The following CATSPERE variants were observed in gnomAD, a reference collection of about 807,000 sequenced individuals.
CATSPERE encodes cation channel sperm-associated auxiliary subunit epsilon.
Under a neutral mutation model 114.1 loss-of-function variants are expected in CATSPERE, and 93 were observed. The observed-to-expected ratio is 0.81, with a 90% CI of 0.69 to 0.97. The LOEUF is 0.97. Ranked by LOEUF, CATSPERE falls within the 50% of genes least tolerant of loss-of-function variation. The probability of loss-of-function intolerance (pLI) is 0.00; values close to 1 mark genes in which losing one functional copy is unlikely to be tolerated. For missense variants in CATSPERE, 1,058 were observed against 1,131.6 expected (o/e 0.93, Z 0.93); for synonymous variants, 341 against 384.1 (o/e 0.89, Z 1.31).
intron 20 of CATSPERE, among the ~76,000 whole-genome samples, chr1:244,620,345 C>T (rs903803155): frequency 1.3e-5 from 2 of 152,186 alleles, no homozygotes; most frequent in African/African-American, 4.8e-5. Context: ...AAGATGTTCA[C>T]ATGTGAAAGG....
chr1:244,582,718 T>C (rs1666370849), intron 12 of CATSPERE, among the ~76,000 whole-genome samples: 1 of 152,146 alleles, frequency 6.6e-6, no homozygotes, highest in Admixed American at 6.5e-5. Context: ...TCCATTTTTC[T>C]TTAGTCTGGT....
At chr1:244,505,077 T>G (rs1674613451) in intron 7 of CATSPERE, among the ~76,000 whole-genome samples, 1 of 152,252 alleles carries the variant, frequency 6.6e-6, no homozygotes, top group Non-Finnish European at 1.5e-5. Flanking sequence ...ACTACTTTAT[T>G]TATTGGGAGC....
chr1:244,535,371 G>A (rs76032024), intron 8 of CATSPERE, among the ~76,000 whole-genome samples: 72 of 152,302 alleles, frequency 4.7e-4, no homozygotes, highest in African/African-American at 1.7e-3. Flanking sequence ...GCCCCATGTG[G>A]GTCCAGAGGT....
At chr1:244,608,520 G>A (rs903882914) in intron 18 of CATSPERE, among the ~76,000 whole-genome samples, 3 of 150,958 alleles carry the variant, frequency 2.0e-5, no homozygotes, top group African/African-American at 7.3e-5. Flanking sequence ...TGGTTGACAG[G>A]GCAAGATCCT....
At position 244,573,081 on chromosome 1, in the gene CATSPERE, T is replaced by C. The variant is rs1293257053; in HGVS notation, c.1950+309T>C. Among the ~76,000 whole-genome samples, 1 of 151,958 alleles carries C rather than the reference T, an allele frequency of 6.6e-6. No individual in the cohort carries two copies. The highest frequency in any genetic ancestry group is 1.5e-5 in the Non-Finnish European group (1 of 67,976). ...TGTAGACTCCTGTTGTCTATTGTAG[T>C]ATAACAAACCACTCAAAACCTAATT... On this transcript the variant is annotated intron_variant, in intron 11 of 21. Transcript: ENST00000366534. This position sits in a 1 kb window ranked among gnomAD's most constrained non-coding sequence, Gnocchi z 4.0.
chr1:244,501,230 C>T (rs1673990161), intron 7 of CATSPERE, among the ~76,000 whole-genome samples: 1 of 152,154 alleles, frequency 6.6e-6, no homozygotes, highest in Non-Finnish European at 1.5e-5. Flanking sequence ...AGAGATGTTC[C>T]TTGAGCATCC....
intron 6 of CATSPERE, among the ~76,000 whole-genome samples, chr1:244,494,484 G>A (rs1672771951): frequency 6.7e-6 from 1 of 148,676 alleles, no homozygotes; most frequent in South Asian, 2.2e-4. Flanking sequence ...GATAGCATTA[G>A]GAGATATACC....
chr1:244,466,765 A>G (rs1218157757), intron 2 of CATSPERE, among the ~76,000 whole-genome samples: 1 of 152,178 alleles, frequency 6.6e-6, no homozygotes, highest in Non-Finnish European at 1.5e-5. Context: ...TTGCCACCAG[A>G]GATCAGGACC....
intron 17 of CATSPERE, among the ~76,000 whole-genome samples, chr1:244,603,662 A>AT (rs5782299): frequency 0.61 from 89,532 of 147,270 alleles, 28,244 homozygotes; most frequent in Middle Eastern, 0.78. Flanking sequence ...TTCAATTAAG[A>AT]TTTTTTTTTT....
chr1:244,614,741 A>T (rs1411887674), intron 19 of CATSPERE, among the ~76,000 whole-genome samples: 1 of 152,094 alleles, frequency 6.6e-6, no homozygotes, highest in East Asian at 1.9e-4. Flanking sequence ...GGCTCCAATC[A>T]CACTTGTGGT....
At chr1:244,596,369 C>T (rs1258758043) in intron 17 of CATSPERE, among the ~76,000 whole-genome samples, 1 of 152,184 alleles carries the variant, frequency 6.6e-6, no homozygotes. Flanking sequence ...AGCCCTGCTC[C>T]GTCTACAGAG....
At chr1:244,621,269 A>AAATATATTTT (rs1672301573) in intron 20 of CATSPERE, among the ~76,000 whole-genome samples, 1 of 117,460 alleles carries the variant, frequency 8.5e-6, no homozygotes, top group Admixed American at 9.9e-5. Context: ...ATATTTATAT[A>AAATATATTTT]GATATATCTA....
At chr1:244,606,020 G>A (rs143330627) in intron 18 of CATSPERE, among the ~76,000 whole-genome samples, 23 of 152,302 alleles carry the variant, frequency 1.5e-4, no homozygotes, top group Non-Finnish European at 3.1e-4. Context: ...AACATTTATA[G>A]TAGGATGATG....
At position 244,633,555 on chromosome 1, in the gene CATSPERE, G is replaced by A. The variant is rs1277042676; in HGVS notation, c.2649-1934G>A. On this transcript the variant is annotated intron_variant, in intron 20 of 21. Coordinates refer to ENST00000366534, the MANE Select transcript of CATSPERE (RefSeq NM_001130957.2). The surrounding 1 kb of genome is among the most constrained non-coding windows in gnomAD (Gnocchi z 4.1). ...AGTCATGACTCCTTTATACAAAAAG[G>A]GTAAAGTCAAAATTCCTAAGCCTTT... is the stretch of plus-strand genomic sequence containing the variant. Among the ~76,000 whole-genome samples the A allele has an allele frequency of 3.9e-5, 6 of 151,960 alleles. No homozygotes were observed. Among genetic ancestry groups the A allele is most frequent in the Admixed American group, 3.9e-4 (6 of 15,240 alleles).
chr1:244,556,874 A>C (rs968720173), intron 9 of CATSPERE, among the ~76,000 whole-genome samples: 38 of 152,302 alleles, frequency 2.5e-4, no homozygotes, highest in Admixed American at 2.0e-4. Context: ...ACAACAAGCT[A>C]TACAAAAGAG....
intron 2 of CATSPERE, among the ~76,000 whole-genome samples, chr1:244,472,264 G>C (rs1191970825): frequency 1.3e-5 from 2 of 152,168 alleles, no homozygotes; most frequent in Non-Finnish European, 1.5e-5. Context: ...CCTGGCCCAC[G>C]ACTGTTGTTT....
chr1:244,572,892 A>G, intron 11 of CATSPERE, 120 bp downstream of exon 11: 4 of 696,248 alleles, frequency 5.7e-6, no homozygotes, highest in Non-Finnish European at 8.7e-6. Context: ...GGAATGTCTG[A>G]GTTTTTAATA....
chr1:244,572,655 C>A lies in CATSPERE; in HGVS notation c.1833C>A (p.Ile611=). The A allele has an allele frequency of 1.2e-6, 2 of 1,613,922 alleles. No homozygotes were observed. Among genetic ancestry groups the A allele is most frequent in the Non-Finnish European group, 1.7e-6 (2 of 1,179,854 alleles). ...KGEALTVWTQ[I]VYPENTGLYV... ...AGGCTCTGACAGTTTGGACTCAGATCGTCTATCCAGAAAACACTGGTCTGT... is the reference window on the plus strand; with the variant it reads ...AGGCTCTGACAGTTTGGACTCAGATAGTCTATCCAGAAAACACTGGTCTGT... The change falls in exon 11 of 22, where the codon ATC becomes ATA. Residue 611 remains isoleucine (I), a synonymous_variant. Transcript: ENST00000366534.
Position 244,464,454 on chromosome 1 carries a change from A to G in CATSPERE, c.114+498A>G, listed in dbSNP as rs147250458. ...ATTGCTGGACATATAGCTTCCTACCATCACAAACAATACTGGAATGAGTGT... is the reference window on the plus strand; with the variant it reads ...ATTGCTGGACATATAGCTTCCTACCGTCACAAACAATACTGGAATGAGTGT... On this transcript the variant is annotated intron_variant, in intron 2 of 21. Coordinates refer to ENST00000366534, the MANE Select transcript of CATSPERE (RefSeq NM_001130957.2). Among the ~76,000 whole-genome samples, 122 of 151,878 alleles carry G rather than the reference A, an allele frequency of 8.0e-4. 1 individual carries two copies. In the Middle Eastern group the frequency reaches 0.014, roughly 17 times the overall value.
Sources: allele counts gnomAD v4.1 joint callset (sites outside exome capture counted in the v4.1 genomes callset), GRCh38; gene constraint gnomAD v4.1.1; non-coding constraint Gnocchi (gnomAD v3.1); transcripts MANE v1.5; gene names NCBI Gene and HGNC (gene_info 2026-07-23, HGNC 2026-07-21).